The following SLFN12L variants were observed in gnomAD, a reference collection of about 807,000 sequenced individuals.
The protein encoded by SLFN12L is schlafen family member 12-like.
A neutral mutation model predicts 34.8 loss-of-function variants in SLFN12L; 34 were observed. The observed-to-expected ratio is 0.98, with a 90% CI of 0.74 to 1.30. The LOEUF is 1.30. Among genes scored for constraint, SLFN12L ranks in the 50% most tolerant of loss-of-function variants. The pLI is 0.00. For synonymous variants in SLFN12L, 259 were observed against 247.5 expected (o/e 1.05, Z -0.44); for missense variants, 703 against 696.2 (o/e 1.01, Z -0.11).
chr17:35,521,736 A>T (rs991744293), intron 2 of SLFN12L, among the ~76,000 whole-genome samples: 4 of 152,194 alleles, frequency 2.6e-5, no homozygotes, highest in African/African-American at 9.6e-5. Context: ...TTATCCAGGC[A>T]TGATGGCAGG....
intron 2 of SLFN12L, among the ~76,000 whole-genome samples, chr17:35,508,919 G>A (rs1915552150): frequency 6.6e-6 from 1 of 152,142 alleles, no homozygotes; most frequent in African/African-American, 2.4e-5. Context: ...ATGACATCTT[G>A]TAACAGTAGA....
chr17:35,504,033 T>C (rs940697343), intron 2 of SLFN12L, among the ~76,000 whole-genome samples: 4 of 152,252 alleles, frequency 2.6e-5, no homozygotes, highest in African/African-American at 9.6e-5. Flanking sequence ...TCTTTCTTCT[T>C]TCTTCACTCT....
At chr17:35,483,430 C>T (rs1914432897) in intron 2 of SLFN12L, among the ~76,000 whole-genome samples, 1 of 152,190 alleles carries the variant, frequency 6.6e-6, no homozygotes, top group South Asian at 2.1e-4. Context: ...GATCCTGTAA[C>T]ACAAGCTCAC....
intron 2 of SLFN12L, among the ~76,000 whole-genome samples, chr17:35,497,277 G>C (rs769984996): frequency 1.1e-3 from 166 of 152,158 alleles, no homozygotes; most frequent in Non-Finnish European, 1.5e-3. Context: ...TATAATCCCA[G>C]CTACTGGGGA....
chr17:35,508,377 C>T (rs774505091), intron 2 of SLFN12L, among the ~76,000 whole-genome samples: 8 of 152,202 alleles, frequency 5.3e-5, no homozygotes, highest in Admixed American at 1.3e-4. Context: ...GACGGTGTCT[C>T]ACTCTGTTGC....
chr17:35,490,049 C>G, intron 2 of SLFN12L: 1 of 1,605,188 alleles, frequency 6.2e-7, no homozygotes, highest in South Asian at 1.1e-5. Context: ...CTCCTGTTCC[C>G]TCTCCCTCCA....
intron 1 of SLFN12L, among the ~76,000 whole-genome samples, chr17:35,530,417 GGAAGGA>G (rs2072384795): frequency 1.5e-4 from 2 of 12,930 alleles, no homozygotes; most frequent in African/African-American, 4.3e-4. Context: ...AAGGAAGGAA[GGAAGGA>G]AGGAAGGGAA....
At chr17:35,527,149 G>A (rs1367988941) in intron 1 of SLFN12L, among the ~76,000 whole-genome samples, 2 of 152,136 alleles carry the variant, frequency 1.3e-5, no homozygotes, top group African/African-American at 4.8e-5. Context: ...GCCCTCCCAA[G>A]TCTAAACCAG....
chr17:35,515,016 G>C (rs1372106455), intron 2 of SLFN12L: 9 of 519,288 alleles, frequency 1.7e-5, no homozygotes, highest in Non-Finnish European at 3.4e-5. Context: ...TTTAAGGTCA[G>C]CTAACTTGGA....
At chr17:35,512,515 G>T (rs1320646570) in intron 2 of SLFN12L, among the ~76,000 whole-genome samples, 1 of 151,966 alleles carries the variant, frequency 6.6e-6, no homozygotes, top group Non-Finnish European at 1.5e-5. Context: ...ACAGGCGCCC[G>T]CCACCATGTC....
In SLFN12L at chr17:35,466,555, G is replaced by A. The variant is rs921068485; in HGVS notation, c.*8368C>T. Among the ~76,000 whole-genome samples, 6 of 152,178 alleles carry A rather than the reference G, an allele frequency of 3.9e-5. No individual in the cohort carries two copies. Among genetic ancestry groups the A allele is most frequent in the African/African-American group, 1.4e-4 (6 of 41,448 alleles). ...ACTTAATCTACTCATATGGACATAA[G>A]AGTCCAACATCTTTTCATCCTTTTT... On this transcript the variant is annotated 3_prime_UTR_variant, in exon 5 of 5. Coordinates refer to ENST00000628453, the MANE Select transcript of SLFN12L (RefSeq NM_001363830.2).
intron 2 of SLFN12L, among the ~76,000 whole-genome samples, chr17:35,495,900 AACACACACACACACACAC>A (rs58553128): frequency 1.0e-4 from 14 of 137,976 alleles, no homozygotes; most frequent in African/African-American, 1.7e-4. Context: ...GCCGATTTGA[AACACACACACACACACAC>A]ACACACACAC....
In SLFN12L at chr17:35,488,168, C is replaced by T. The variant is rs575723641; in HGVS notation, c.87-7973G>A. Among the ~76,000 whole-genome samples, 10 of 152,302 alleles carry T rather than the reference C, an allele frequency of 6.6e-5. No homozygotes were observed. In the South Asian group the frequency reaches 2.1e-3, roughly 32 times the overall value. ...AGCTTGCAGTGAGCCGAGATCGTGC[C>T]ACTACGCTCCAGCCTGGGCGACAGA... On this transcript the variant is annotated intron_variant, in intron 2 of 4. Coordinates refer to ENST00000628453, the MANE Select transcript of SLFN12L (RefSeq NM_001363830.2).
intron 4 of SLFN12L, 157 bp downstream of exon 4, chr17:35,477,918 A>G: frequency 1.8e-6 from 1 of 540,744 alleles, no homozygotes; most frequent in Non-Finnish European, 3.3e-6. Flanking sequence ...ACCTAAAGAA[A>G]TAGAATTTGA....
chr17:35,525,970 C>T lies in SLFN12L; in HGVS notation c.-605-3001G>A, dbSNP rs533606412. Among the ~76,000 whole-genome samples, 40 of 152,150 alleles carry T rather than the reference C, an allele frequency of 2.6e-4. No individual in the cohort carries two copies. The South Asian group carries it at 6.0e-3, about 23-fold the overall frequency. ...TGCTGTATTCAGGAGACCCACCTCA[C>T]GTGCAAAGACACACATAGGCTCAAA... On this transcript the variant is annotated intron_variant, in intron 1 of 4. Transcript: ENST00000628453.
chr17:35,522,451 T>A lies in SLFN12L; in HGVS notation c.-87A>T. 1.9e-6 allele frequency: 3 copies of A among 1,614,014 alleles called. No individual in the cohort carries two copies. Among genetic ancestry groups the A allele is most frequent in the South Asian group, 2.2e-5 (2 of 91,074 alleles). ...TTCTTGTGGAAGCTTCTGGAGAATA[T>A]CTCATACTGCTGGGCTGTGAGCAGA... On this transcript the variant is annotated 5_prime_UTR_variant, in exon 2 of 5. Coordinates refer to ENST00000628453, the MANE Select transcript of SLFN12L (RefSeq NM_001363830.2).
chr17:35,530,522 G>A (rs368806723), intron 1 of SLFN12L, among the ~76,000 whole-genome samples: 389 of 37,140 alleles, frequency 0.01, 11 homozygotes, highest in East Asian at 0.035. Context: ...GAAAAGAAAA[G>A]AAAAGAAAAG....
Position 35,479,374 on chromosome 17 carries a change from T to A in SLFN12L, c.908A>T (p.Glu303Val). 1 of 1,602,078 alleles carries A rather than the reference T, an allele frequency of 6.2e-7. No individual in the cohort carries two copies. The highest frequency in any genetic ancestry group is 8.5e-7 in the Non-Finnish European group (1 of 1,172,972). Residue 303 changes from glutamate (E) to valine (V), a missense_variant, in exon 3 of 5, where the codon GAA (glutamate) becomes GTA (valine). Physicochemically the swap from Glu to Val is moderately radical, Grantham distance 121 (BLOSUM62 -2). Coordinates refer to ENST00000628453, the MANE Select transcript of SLFN12L (RefSeq NM_001363830.2). ...KAEKSYLTKLEEVTKNSIGKL... is the reference protein window; with the variant it reads ...KAEKSYLTKLVEVTKNSIGKL... ...CCCAATGGAATTTTTTGTTACTTCTTCTAACTTAGTAAGATAACTCTTCTC... is the reference window on the plus strand; with the variant it reads ...CCCAATGGAATTTTTTGTTACTTCTACTAACTTAGTAAGATAACTCTTCTC...
chr17:35,522,719 T>C lies in SLFN12L; in HGVS notation c.-355A>G. The C allele has an allele frequency of 6.2e-7, 1 of 1,614,054 alleles. No homozygotes were observed. Among genetic ancestry groups the C allele is most frequent in the Non-Finnish European group, 8.5e-7 (1 of 1,179,970 alleles). On this transcript the variant is annotated 5_prime_UTR_variant, in exon 2 of 5. Transcript: ENST00000628453. The stretch of plus-strand genomic sequence containing the variant: ...CCCCCCATGTTCACCAGCTTCTGCT[T>C]CAAAGTAAGGGCAGTGCAAGTGCAG...
Sources: allele counts gnomAD v4.1 joint callset (sites outside exome capture counted in the v4.1 genomes callset), GRCh38; gene constraint gnomAD v4.1.1; transcripts MANE v1.5; gene names NCBI Gene and HGNC (gene_info 2026-07-23, HGNC 2026-07-21).